The following CCDC178 variants were observed in gnomAD, a reference collection of about 807,000 sequenced individuals.
The protein encoded by CCDC178 is coiled-coil domain-containing protein 178.
A neutral mutation model predicts 117.4 loss-of-function variants in CCDC178; 126 were observed. The observed-to-expected ratio is 1.07, with a 90% CI of 0.93 to 1.24. CCDC178 has a LOEUF of 1.24. Ranked by LOEUF, CCDC178 falls within the 50% of genes most tolerant of loss-of-function variation. The probability of loss-of-function intolerance (pLI) is 0.00; values close to 1 mark genes in which losing one functional copy is unlikely to be tolerated. For synonymous variants in CCDC178, 283 were observed against 313.4 expected (o/e 0.90, Z 1.02); for missense variants, 1,030 against 986.9 (o/e 1.04, Z -0.59).
At chr18:33,206,668 G>A (rs1215803251) in intron 20 of CCDC178, among the ~76,000 whole-genome samples, 3 of 151,380 alleles carry the variant, frequency 2.0e-5, no homozygotes, top group Non-Finnish European at 4.4e-5. Flanking sequence ...CACACAAAAC[G>A]GAAAAAAAAG....
intron 12 of CCDC178, among the ~76,000 whole-genome samples, chr18:33,287,412 T>C (rs983941998): frequency 1.3e-5 from 2 of 152,228 alleles, no homozygotes; most frequent in African/African-American, 4.8e-5. Context: ...GAATGTATGA[T>C]AGTCTCCAAA....
chr18:33,372,433 A>G (rs1363601581), intron 5 of CCDC178, among the ~76,000 whole-genome samples: 1 of 152,158 alleles, frequency 6.6e-6, no homozygotes, highest in Non-Finnish European at 1.5e-5. Flanking sequence ...CTTATTTAAT[A>G]AATTAATGTA....
chr18:33,202,435 GT>G (rs2059001538), intron 20 of CCDC178, among the ~76,000 whole-genome samples: 1 of 106,634 alleles, frequency 9.4e-6, no homozygotes, highest in Non-Finnish European at 1.9e-5. Context: ...GATCTACTAT[GT>G]TAAAAACAGG....
intron 21 of CCDC178, among the ~76,000 whole-genome samples, chr18:33,013,853 T>G (rs935922038): frequency 3.3e-5 from 5 of 152,214 alleles, no homozygotes; most frequent in African/African-American, 1.2e-4. Context: ...CAAGGTACAC[T>G]GTGTAAAAGA....
chr18:33,216,083 G>C (rs1412246562), intron 18 of CCDC178, among the ~76,000 whole-genome samples: 1 of 151,932 alleles, frequency 6.6e-6, no homozygotes, highest in East Asian at 1.9e-4. Flanking sequence ...AGATGACAGA[G>C]TGAGACCCTG....
intron 5 of CCDC178, among the ~76,000 whole-genome samples, chr18:33,379,150 AAT>A (rs1555695399): frequency 8.7e-6 from 1 of 114,608 alleles, no homozygotes; most frequent in African/African-American, 3.2e-5. Context: ...ATATATATAT[AAT>A]ATATATATTT....
intron 21 of CCDC178, among the ~76,000 whole-genome samples, chr18:33,084,054 C>T (rs961382187): frequency 6.6e-6 from 1 of 152,116 alleles, no homozygotes; most frequent in African/African-American, 2.4e-5. Context: ...CATTTTTATA[C>T]AATAAATTGC....
intron 11 of CCDC178, among the ~76,000 whole-genome samples, chr18:33,313,607 C>T (rs1460974211): frequency 6.6e-6 from 1 of 152,122 alleles, no homozygotes; most frequent in African/African-American, 2.4e-5. Context: ...TCCTTTATAA[C>T]TGGGTTTGCA....
chr18:33,292,445 A>T (rs2060179125), intron 12 of CCDC178, among the ~76,000 whole-genome samples: 1 of 152,098 alleles, frequency 6.6e-6, no homozygotes, highest in African/African-American at 2.4e-5. Flanking sequence ...GGACATAGAG[A>T]GAGGTTGGAT....
chr18:33,123,716 C>T (rs192132579), intron 20 of CCDC178, among the ~76,000 whole-genome samples: 6 of 152,134 alleles, frequency 3.9e-5, no homozygotes, highest in African/African-American at 1.2e-4. Context: ...TAGTTATAGT[C>T]GATGTCAAAT....
chr18:33,224,245 G>A (rs932891066), intron 17 of CCDC178, among the ~76,000 whole-genome samples: 3 of 152,218 alleles, frequency 2.0e-5, no homozygotes, highest in African/African-American at 7.2e-5. Flanking sequence ...TTCTCCAAAA[G>A]ACTAATGACA....
intron 14 of CCDC178, among the ~76,000 whole-genome samples, chr18:33,246,908 T>C (rs1348616210): frequency 2.0e-5 from 3 of 151,958 alleles, no homozygotes; most frequent in African/African-American, 4.8e-5. Context: ...GTATGATCAC[T>C]GGGAATCAGA....
chr18:33,045,589 C>A (rs2056627967), intron 21 of CCDC178, among the ~76,000 whole-genome samples: 1 of 152,180 alleles, frequency 6.6e-6, no homozygotes, highest in South Asian at 2.1e-4. Context: ...AGCTTAATAT[C>A]AATTGTTCTG....
intron 21 of CCDC178, among the ~76,000 whole-genome samples, chr18:33,035,776 C>T (rs2056432574): frequency 6.6e-6 from 1 of 151,918 alleles, no homozygotes; most frequent in African/African-American, 2.4e-5. Flanking sequence ...CAAATCATCA[C>T]ATTGTATACC....
intron 21 of CCDC178, among the ~76,000 whole-genome samples, chr18:33,033,456 A>AAGT: frequency 6.6e-6 from 1 of 152,192 alleles, no homozygotes. Flanking sequence ...CATCTGGCTT[A>AAGT]AGGGGTGACT....
At chr18:33,390,631 A>C (rs2144824944) in intron 4 of CCDC178, among the ~76,000 whole-genome samples, 1 of 152,172 alleles carries the variant, frequency 6.6e-6, no homozygotes, top group African/African-American at 2.4e-5. Flanking sequence ...AAAAAGACAA[A>C]ACTAAGCTAT....
chr18:33,133,010 T>C (rs761600836), intron 20 of CCDC178, among the ~76,000 whole-genome samples: 5 of 151,684 alleles, frequency 3.3e-5, no homozygotes, highest in Non-Finnish European at 7.4e-5. Context: ...TATTAAAAAA[T>C]AAAAACAACA....
intron 2 of CCDC178, among the ~76,000 whole-genome samples, chr18:33,436,063 A>G (rs865844305): frequency 1.3e-5 from 2 of 149,066 alleles, no homozygotes; most frequent in Admixed American, 1.3e-4. Context: ...ATCAGATCAC[A>G]TAACAACAGC....
At position 33,114,416 on chromosome 18, in the gene CCDC178, T is replaced by C. The variant is rs9956866; in HGVS notation, c.2239-21506A>G. Among the ~76,000 whole-genome samples, 1,147 of 152,022 alleles carry C rather than the reference T, an allele frequency of 7.5e-3. 13 individuals carry two copies. Among genetic ancestry groups the C allele is most frequent in the African/African-American group, 0.026 (1,068 of 41,504 alleles). On this transcript the variant is annotated intron_variant, in intron 20 of 22. Coordinates refer to ENST00000383096, the MANE Select transcript of CCDC178 (RefSeq NM_001105528.4). ...GTCTGTAAGGAAGAGAACCCAGTAATTGAGAAGGGGAACACTGCAATGGGG... is the reference window on the plus strand; with the variant it reads ...GTCTGTAAGGAAGAGAACCCAGTAACTGAGAAGGGGAACACTGCAATGGGG...
Sources: allele counts gnomAD v4.1 joint callset (sites outside exome capture counted in the v4.1 genomes callset), GRCh38; gene constraint gnomAD v4.1.1; transcripts MANE v1.5; gene names NCBI Gene and HGNC (gene_info 2026-07-23, HGNC 2026-07-21).